Variants in CNTNAP2 observed in about 807,000 individuals in gnomAD.
The protein encoded by CNTNAP2 is contactin associated protein 2.
A neutral mutation model predicts 155.2 loss-of-function variants in CNTNAP2; 98 were observed. The observed-to-expected ratio is 0.63, with a 90% CI of 0.54 to 0.75. The LOEUF (loss-of-function observed/expected upper bound fraction) is 0.75. Among genes scored for constraint, CNTNAP2 ranks in the 30% least tolerant of loss-of-function variants. The pLI is 0.00. For synonymous variants in CNTNAP2, 651 were observed against 631.2 expected, an observed-to-expected ratio of 1.03 and a Z score of -0.47; for missense variants, 1,727 against 1,688.1, an observed-to-expected ratio of 1.02 and a Z score of -0.40.
chr7:148,281,897 G>A (rs1038915486), intron 21 of CNTNAP2, among the ~76,000 whole-genome samples: 11 of 148,262 alleles, frequency 7.4e-5, no homozygotes, highest in Middle Eastern at 3.5e-3. Flanking sequence ...GTGCAATGGC[G>A]TGATCTCAGC....
intron 13 of CNTNAP2, among the ~76,000 whole-genome samples, chr7:147,714,199 C>G (rs1263872326): frequency 6.6e-6 from 1 of 151,506 alleles, no homozygotes; most frequent in Non-Finnish European, 1.5e-5. Flanking sequence ...AAATCCTTCT[C>G]TTTCCCCAGG....
intron 3 of CNTNAP2, among the ~76,000 whole-genome samples, chr7:146,882,568 T>C (rs542502132): frequency 1.3e-5 from 2 of 152,206 alleles, no homozygotes; most frequent in East Asian, 3.9e-4. Context: ...TTGCTTCCCC[T>C]TCTGCCATGA....
At chr7:146,191,534 A>T (rs1419578863) in intron 1 of CNTNAP2, among the ~76,000 whole-genome samples, 1 of 152,078 alleles carries the variant, frequency 6.6e-6, no homozygotes, top group Admixed American at 6.6e-5. Context: ...CTAGGCAGGA[A>T]TTTCCTCGTC....
intron 1 of CNTNAP2, among the ~76,000 whole-genome samples, chr7:146,595,689 A>T (rs900899516): frequency 3.3e-5 from 5 of 152,078 alleles, no homozygotes; most frequent in Non-Finnish European, 5.9e-5. Flanking sequence ...AACATCAAAG[A>T]CATCCAAAAT....
At chr7:147,760,196 C>T (rs1349641386) in intron 13 of CNTNAP2, among the ~76,000 whole-genome samples, 1 of 151,008 alleles carries the variant, frequency 6.6e-6, no homozygotes, top group Non-Finnish European at 1.5e-5. Flanking sequence ...TCAGAGTGCA[C>T]AAACCATCAG....
intron 23 of CNTNAP2, among the ~76,000 whole-genome samples, chr7:148,411,927 A>C (rs1799850724): frequency 7.0e-6 from 1 of 142,748 alleles, no homozygotes; most frequent in African/African-American, 2.7e-5. Context: ...CTTAGCCAAT[A>C]TCATGCTTGC....
At chr7:146,769,500 C>T (rs995036935) in intron 1 of CNTNAP2, among the ~76,000 whole-genome samples, 2 of 152,196 alleles carry the variant, frequency 1.3e-5, no homozygotes, top group African/African-American at 4.8e-5. Flanking sequence ...TATGTGCTTG[C>T]ATGGAGTGCT....
rs541334343 is a variant in CNTNAP2 at position 147,108,422 on chromosome 7, A to G, written c.754+72A>G. Reference sequence around the variant, plus strand: ...ATTAGGAATATGTTCATGTTGCTCAATTCTTTAAAATGTAAATTATAAAAA... The same window carrying G: ...ATTAGGAATATGTTCATGTTGCTCAGTTCTTTAAAATGTAAATTATAAAAA... On this transcript the variant is annotated intron_variant, in intron 5 of 23. Transcript: ENST00000361727. 6.7e-5 allele frequency: 85 copies of G among 1,262,744 alleles called. No individual in the cohort carries two copies. In the Admixed American group the frequency reaches 1.8e-3, roughly 27 times the overall value. 78.2% of individuals were successfully genotyped at this position (1,262,744 alleles called of 1,614,324 possible).
chr7:146,911,334 C>T (rs1796271194), intron 3 of CNTNAP2, among the ~76,000 whole-genome samples: 1 of 152,092 alleles, frequency 6.6e-6, no homozygotes, highest in Admixed American at 6.6e-5. Context: ...ATAAATCATG[C>T]TGCTATAAAG....
chr7:146,468,811 T>G (rs532541547), intron 1 of CNTNAP2, among the ~76,000 whole-genome samples: 1 of 152,114 alleles, frequency 6.6e-6, no homozygotes. Flanking sequence ...TAAAAAACTC[T>G]GCAAAATGAA....
intron 8 of CNTNAP2, among the ~76,000 whole-genome samples, chr7:147,162,992 T>C (rs112361031): frequency 6.6e-6 from 1 of 152,122 alleles, no homozygotes; most frequent in Non-Finnish European, 1.5e-5. Flanking sequence ...GCTCTTCTCG[T>C]GGCGATGATA....
At chr7:147,754,247 A>G (rs1797182950) in intron 13 of CNTNAP2, among the ~76,000 whole-genome samples, 1 of 152,226 alleles carries the variant, frequency 6.6e-6, no homozygotes. Flanking sequence ...GGAGCAATGA[A>G]GCAAAATGTA....
At chr7:146,473,448 C>T (rs929712820) in intron 1 of CNTNAP2, among the ~76,000 whole-genome samples, 1 of 152,010 alleles carries the variant, frequency 6.6e-6, no homozygotes, top group African/African-American at 2.4e-5. Context: ...ACTATAAAAA[C>T]TTCAAAACAG....
chr7:146,600,552 T>C (rs1365549314), intron 1 of CNTNAP2, among the ~76,000 whole-genome samples: 1 of 152,084 alleles, frequency 6.6e-6, no homozygotes. Context: ...TCCTAAAATA[T>C]CTGTTTGTAA....
At chr7:148,286,601 A>AG (rs1251905262) in intron 21 of CNTNAP2, among the ~76,000 whole-genome samples, 11 of 151,958 alleles carry the variant, frequency 7.2e-5, no homozygotes, top group Admixed American at 6.6e-4. Context: ...AACACGTTAA[A>AG]AAAAATCTTT....
At chr7:146,733,152 T>G (rs1333579422) in intron 1 of CNTNAP2, among the ~76,000 whole-genome samples, 6 of 152,142 alleles carry the variant, frequency 3.9e-5, no homozygotes, top group Non-Finnish European at 1.5e-5. Flanking sequence ...AGACTGATTT[T>G]GCTAAGAGCT....
chr7:147,669,209 C>G (rs1795748269), intron 13 of CNTNAP2, among the ~76,000 whole-genome samples: 1 of 150,084 alleles, frequency 6.7e-6, no homozygotes, highest in Non-Finnish European at 1.5e-5. Flanking sequence ...CAGAACATAC[C>G]CCCACTGTTA....
chr7:148,278,588 A>C (rs950238922), intron 21 of CNTNAP2, among the ~76,000 whole-genome samples: 8 of 147,102 alleles, frequency 5.4e-5, no homozygotes, highest in Non-Finnish European at 7.5e-5. Flanking sequence ...AAAAAAAAAA[A>C]GCCTGAGCAA....
At chr7:147,986,808 A>C (rs775536932) in intron 15 of CNTNAP2, among the ~76,000 whole-genome samples, 2 of 152,154 alleles carry the variant, frequency 1.3e-5, no homozygotes, top group African/African-American at 2.4e-5. Flanking sequence ...GAAAACCTAC[A>C]GCCACAGAAG....
Sources: gnomAD v4.1 joint callset for allele counts (sites outside exome capture counted in the v4.1 genomes callset) on GRCh38, gnomAD v4.1.1 for gene constraint, MANE v1.5 for transcripts, NCBI Gene and HGNC (gene_info 2026-07-23, HGNC 2026-07-21) for gene names.